The following NCAPD2 variants were observed in gnomAD, a reference collection of about 807,000 sequenced individuals.
NCAPD2 encodes non-SMC condensin I complex subunit D2.
A neutral mutation model predicts 164.5 loss-of-function variants in NCAPD2; 100 were observed. The ratio of observed to expected loss-of-function variants is 0.61; its 90% confidence interval spans 0.52 to 0.72. NCAPD2 has a LOEUF of 0.72. NCAPD2 is among the 30% of genes least tolerant of loss of function. The pLI, the probability that NCAPD2 is intolerant of heterozygous loss-of-function variation, is 0.00. For missense variants in NCAPD2, 1,560 were observed against 1,749.2 expected, an observed-to-expected ratio of 0.89 and a Z score of 1.93; for synonymous variants, 585 against 642.6, an observed-to-expected ratio of 0.91 and a Z score of 1.36.
intron 2 of NCAPD2, among the ~76,000 whole-genome samples, chr12:6,500,931 G>A (rs1197406187): frequency 6.6e-6 from 1 of 152,128 alleles, no homozygotes; most frequent in Non-Finnish European, 1.5e-5. Context: ...TGGAGGGATA[G>A]CAGGGGAAGT....
At chr12:6,520,523 G>A (rs572029355) in intron 13 of NCAPD2, among the ~76,000 whole-genome samples, 1 of 152,152 alleles carries the variant, frequency 6.6e-6, no homozygotes, top group African/African-American at 2.4e-5. Context: ...GTATAGTTGG[G>A]TCTCCCTGTG....
intron 14 of NCAPD2, 72 bp downstream of exon 14, chr12:6,521,182 C>A: frequency 6.5e-7 from 1 of 1,550,312 alleles, no homozygotes; most frequent in Non-Finnish European, 8.8e-7. Flanking sequence ...AACTTTATGC[C>A]ATCATTGGCC....
chr12:6,510,393 G>A, intron 4 of NCAPD2: 1 of 780,828 alleles, frequency 1.3e-6, no homozygotes, highest in Non-Finnish European at 2.3e-6. Context: ...CTTTTTAATA[G>A]GGGTGATTCT....
intron 9 of NCAPD2, 129 bp downstream of exon 9, chr12:6,515,049 T>C: frequency 1.9e-6 from 2 of 1,027,194 alleles, no homozygotes; most frequent in South Asian, 3.2e-5. Flanking sequence ...TGACATTTCC[T>C]TTCTGTAGAG....
At chr12:6,529,649 A>G (rs999221862) in intron 28 of NCAPD2, 56 bp downstream of exon 28, 2 of 1,605,458 alleles carry the variant, frequency 1.2e-6, no homozygotes, top group Non-Finnish European at 1.7e-6. Flanking sequence ...CAGGGGAGAA[A>G]GGCCCATCCC....
At chr12:6,518,681 G>A (rs901317045) in intron 13 of NCAPD2, among the ~76,000 whole-genome samples, 23 of 144,076 alleles carry the variant, frequency 1.6e-4, no homozygotes, top group East Asian at 4.2e-4. Context: ...CCACCACACC[G>A]CACTAATTTT....
intron 13 of NCAPD2, among the ~76,000 whole-genome samples, chr12:6,518,381 A>G (rs944785623): frequency 1.3e-5 from 2 of 152,062 alleles, no homozygotes; most frequent in African/African-American, 4.8e-5. Flanking sequence ...AATAATATCA[A>G]ACATGCTTAA....
At chr12:6,504,180 T>TAC (rs1264008201) in intron 2 of NCAPD2, among the ~76,000 whole-genome samples, 6 of 56,868 alleles carry the variant, frequency 1.1e-4, no homozygotes, top group Non-Finnish European at 1.7e-4. Flanking sequence ...CATATATATA[T>TAC]ACATATATAT....
rs1946375246 is a variant in NCAPD2, at chr12:6,531,644, AAAAAT to A, written c.*237_*241del. On this transcript the variant is annotated 3_prime_UTR_variant, in exon 32 of 32. Transcript: ENST00000315579. This position sits in a 1 kb window ranked among gnomAD's most constrained non-coding sequence, Gnocchi z 4.1. ...AACATGGAGAAACCCCATCTCTACT[AAAAAT>A]AAAAAATTAGCCGGGCGTATTGGCG... 1.4e-6 allele frequency: 1 copy of A among 692,774 alleles called. No homozygotes were observed. Among genetic ancestry groups the A allele is most frequent in the Non-Finnish European group, 2.3e-6 (1 of 442,156 alleles). 42.9% of individuals were successfully genotyped at this position (692,774 alleles called of 1,614,324 possible). A position where few individuals can be genotyped will look rare whatever the true frequency, so the allele number is the denominator to read the frequency against.
At chr12:6,529,274 A>G (rs1275490299) in intron 27 of NCAPD2, 2 of 613,134 alleles carry the variant, frequency 3.3e-6, no homozygotes, top group Non-Finnish European at 5.7e-6. Context: ...ATACAGTAGC[A>G]CTCACTCCCT....
chr12:6,516,327 T>G (rs1946199694), intron 9 of NCAPD2, among the ~76,000 whole-genome samples: 1 of 93,296 alleles, frequency 1.1e-5, no homozygotes, highest in Non-Finnish European at 2.6e-5. Flanking sequence ...TATGGTGAAA[T>G]CCTGTCTCTA....
Position 6,529,939 on chromosome 12 carries a change from G to A in NCAPD2, c.3818G>A (p.Gly1273Glu), listed in dbSNP as rs751014766. The A allele has an allele frequency of 1.9e-6, 3 of 1,613,800 alleles. No homozygotes were observed. The highest frequency in any genetic ancestry group is 4.5e-5 in the East Asian group (2 of 44,878). Residue 1273 changes from glycine (G) to glutamate (E), a missense_variant, in exon 29 of 32, where the codon GGG becomes GAG. Gly to Glu is a moderately conservative substitution (Grantham distance 98, BLOSUM62 -2). Transcript: ENST00000315579. ...TCAGTTGTAGGCAAGCTGCGACGTG[G>A]GGCCAAGCCTGAGGGCAAGGTGAGC... is the stretch of plus-strand genomic sequence containing the variant. The part of the protein sequence containing the change: ...FLSVVGKLRR[G>E]AKPEGKAIID...
rs548319947 is a variant in NCAPD2 at position 6,529,838 on chromosome 12, C to T, written c.3717C>T (p.Gly1239=). The T allele has an allele frequency of 5.0e-5, 80 of 1,614,242 alleles. No individual in the cohort carries two copies. In the South Asian group the frequency reaches 8.5e-4, roughly 17 times the overall value. Residue 1239 remains glycine, a synonymous_variant, in exon 29 of 32, where the codon GGC becomes GGT. Transcript: ENST00000315579. ...CACAGCTGCCCCTCACAGAGCGAGG[C>T]CTCCGTAAGATGCTTGACAATTTTG... ...CVSQLPLTER[G]LRKMLDNFDC...
Position 6,523,268 on chromosome 12 carries a change from G to A in NCAPD2, c.2136G>A (p.Lys712=), listed in dbSNP as rs1946282887. 4 of 1,613,978 alleles carry A rather than the reference G, an allele frequency of 2.5e-6. No homozygotes were observed. ...LNPKGDSARA[K]AQALIQNLSL... ...ATCTCTGCTGTTCCCACAGAGCCAA[G>A]GCCCAGGCTTTGATTCAGAATCTCT... is the stretch of plus-strand genomic sequence containing the variant. Residue 712 remains lysine, a synonymous_variant, in exon 17 of 32, where the codon AAG becomes AAA. Coordinates refer to ENST00000315579, the MANE Select transcript of NCAPD2 (RefSeq NM_014865.4).
Position 6,526,307 on chromosome 12 carries a change from C to G in NCAPD2, c.2502C>G (p.His834Gln). The G allele has an allele frequency of 2.5e-6, 4 of 1,614,092 alleles. No homozygotes were observed. Among genetic ancestry groups the G allele is most frequent in the Non-Finnish European group, 3.4e-6 (4 of 1,179,980 alleles). ...CACAGCCTTCTCTGGGCAAACGTCACCCCCCCTTCCGGCTGCCTCAGGAAC... is the reference window on the plus strand; with the variant it reads ...CACAGCCTTCTCTGGGCAAACGTCAGCCCCCCTTCCGGCTGCCTCAGGAAC... ...DRRKPSLGKRHPPFRLPQEHR... is the reference protein window; with the variant it reads ...DRRKPSLGKRQPPFRLPQEHR... The change falls in exon 20 of 32, where the codon CAC becomes CAG. Residue 834 changes from histidine (H) to glutamine (Q), a missense_variant. Physicochemically the swap from His to Gln is conservative, Grantham distance 24. Coordinates refer to ENST00000315579, the MANE Select transcript of NCAPD2 (RefSeq NM_014865.4).
At position 6,514,767 on chromosome 12, in the gene NCAPD2, G is replaced by T; in HGVS notation, c.840-6G>T. 6.2e-7 allele frequency: 1 copy of T among 1,614,208 alleles called. No individual in the cohort carries two copies. The highest frequency in any genetic ancestry group is 1.3e-5 in the African/African-American group (1 of 75,070). On this transcript the variant is annotated splice_region_variant and splice_polypyrimidine_tract_variant and intron_variant, in intron 8 of 31. Transcript: ENST00000315579. The stretch of plus-strand genomic sequence containing the variant: ...TTGCTATGGCTGTGTTTTCTTCCCT[G>T]TGTAGAGAGATTGGACAAAAGTGTC...
chr12:6,511,123 G>T lies in NCAPD2; in HGVS notation c.458G>T (p.Arg153Leu). The change falls in exon 6 of 32, where the codon CGG becomes CTG. Residue 153 changes from arginine (R) to leucine (L), a missense_variant. Coordinates refer to ENST00000315579, the MANE Select transcript of NCAPD2 (RefSeq NM_014865.4). ...GATCCTTTTTAGGGTAAGAAAGCTC[G>T]GACCAAGGCAGCCCATGGCTTTGAC... is the stretch of plus-strand genomic sequence containing the variant. ...LDLGGKGKKA[R>L]TKAAHGFDWE... The T allele has an allele frequency of 6.2e-7, 1 of 1,613,844 alleles. No homozygotes were observed. The highest frequency in any genetic ancestry group is 1.1e-5 in the South Asian group (1 of 91,052).
intron 2 of NCAPD2, among the ~76,000 whole-genome samples, chr12:6,503,970 T>A (rs1946064325): frequency 6.6e-6 from 1 of 151,738 alleles, no homozygotes; most frequent in Non-Finnish European, 1.5e-5. Context: ...AGAGCGAGAC[T>A]CCGTCTCAAA....
chr12:6,495,254 A>G (rs749764924), intron 2 of NCAPD2, 29 bp downstream of exon 2: 2 of 1,611,794 alleles, frequency 1.2e-6, no homozygotes, highest in Non-Finnish European at 1.7e-6. Flanking sequence ...CACTGTACCT[A>G]GCTCTTTCAA....
Sources: allele counts gnomAD v4.1 joint callset (sites outside exome capture counted in the v4.1 genomes callset), GRCh38; gene constraint gnomAD v4.1.1; non-coding constraint Gnocchi (gnomAD v3.1); transcripts MANE v1.5; gene names NCBI Gene and HGNC (gene_info 2026-07-23, HGNC 2026-07-21).